Variants in CIT observed in about 807,000 individuals in gnomAD.
The protein encoded by CIT is citron rho-interacting serine/threonine kinase.
Under a neutral mutation model 272.7 loss-of-function variants are expected in CIT, and 79 were observed. That is an observed-to-expected ratio of 0.29 (90% CI 0.24 to 0.35). The LOEUF (loss-of-function observed/expected upper bound fraction) is 0.35, where lower values mean the gene tolerates loss of function less well. Among genes scored for constraint, CIT ranks in the 10% least tolerant of loss-of-function variants. The pLI is 1.00. For missense variants in CIT, 1,909 were observed against 2,618.3 expected, an observed-to-expected ratio of 0.73 and a Z score of 5.91; for synonymous variants, 948 against 995.6, an observed-to-expected ratio of 0.95 and a Z score of 0.90.
At chr12:119,691,208 C>T (rs1302741701) in intron 46 of CIT, among the ~76,000 whole-genome samples, 1 of 149,056 alleles carries the variant, frequency 6.7e-6, no homozygotes, top group East Asian at 2.0e-4. Context: ...AGTTTGATGT[C>T]ATAAGCCCCA....
At chr12:119,853,437 T>G (rs1694130128) in intron 4 of CIT, among the ~76,000 whole-genome samples, 1 of 145,408 alleles carries the variant, frequency 6.9e-6, no homozygotes. Context: ...TTTGTTTGTT[T>G]GTTTGTTTTG....
At chr12:119,777,614 G>A (rs1264706123) in intron 13 of CIT, among the ~76,000 whole-genome samples, 1 of 151,024 alleles carries the variant, frequency 6.6e-6, no homozygotes, top group Non-Finnish European at 1.5e-5. Flanking sequence ...AGGTTGCAGT[G>A]AGCCGAGATC....
intron 23 of CIT, among the ~76,000 whole-genome samples, chr12:119,746,395 C>G (rs1959407573): frequency 6.6e-6 from 1 of 152,148 alleles, no homozygotes; most frequent in Non-Finnish European, 1.5e-5. Context: ...AAAACAGTGA[C>G]AGACTAAAAT....
rs1308791506 is a variant in CIT at position 119,735,318 on chromosome 12, C to T, written c.2998G>A (p.Glu1000Lys). The T allele has an allele frequency of 3.1e-6, 5 of 1,614,190 alleles. No homozygotes were observed. Among genetic ancestry groups the T allele is most frequent in the East Asian group, 2.2e-5 (1 of 44,882 alleles). The change falls in exon 25 of 48, where the codon GAG (glutamate) becomes AAG (lysine). Residue 1000 changes from glutamate to lysine, a missense_variant. Physicochemically the swap from Glu to Lys is moderately conservative, Grantham distance 56. Transcript: ENST00000392521. ...DLEEQLNQLTEDNAELNNQNF... is the reference protein window; with the variant it reads ...DLEEQLNQLTKDNAELNNQNF... ...TGGTTGTTGAGTTCAGCGTTGTCCTCGGTCAGCTGGTTTAGCTGCTCCTCC... is the reference window on the plus strand; with the variant it reads ...TGGTTGTTGAGTTCAGCGTTGTCCTTGGTCAGCTGGTTTAGCTGCTCCTCC...
intron 16 of CIT, among the ~76,000 whole-genome samples, chr12:119,774,896 C>T (rs1040127016): frequency 1.3e-5 from 2 of 152,156 alleles, no homozygotes; most frequent in East Asian, 1.9e-4. Context: ...ATCACCTGAG[C>T]GTGTGAAGTC....
In CIT at chr12:119,710,714, G is replaced by A. The variant is rs557835876; in HGVS notation, c.4855-94C>T. The A allele has an allele frequency of 4.2e-6, 5 of 1,189,646 alleles. No individual in the cohort carries two copies. The South Asian group carries it at 6.2e-5, about 15-fold the overall frequency. The allele number at this position is 1,189,646 out of a possible 1,614,324, so 73.7% of individuals were successfully genotyped here. A position where few individuals can be genotyped will look rare whatever the true frequency, so the allele number is the denominator to read the frequency against. On this transcript the variant is annotated intron_variant, in intron 37 of 47. Transcript: ENST00000392521. This position sits in a 1 kb window ranked among gnomAD's most constrained non-coding sequence, Gnocchi z 5.6. ...CCAGAGAAACCAAGAGAAGGTTAAG[G>A]CCAAGTTATTCCTGGAAATGCTCAG...
chr12:119,712,363 G>A lies in CIT; in HGVS notation c.4685-16C>T, dbSNP rs761756524. 7 of 1,602,200 alleles carry A rather than the reference G, an allele frequency of 4.4e-6. No individual in the cohort carries two copies. Among genetic ancestry groups the A allele is most frequent in the African/African-American group, 1.3e-5 (1 of 74,702 alleles). ...TATGGGACATCTAGGAGATTTCAGA[G>A]AGCACAGGATTGGGTGTGGATTTCC... On this transcript the variant is annotated splice_polypyrimidine_tract_variant and intron_variant, in intron 36 of 47. Transcript: ENST00000392521. This position sits in a 1 kb window ranked among gnomAD's most constrained non-coding sequence, Gnocchi z 5.2.
intron 22 of CIT, among the ~76,000 whole-genome samples, chr12:119,755,789 T>C (rs1960893753): frequency 6.6e-6 from 1 of 152,214 alleles, no homozygotes; most frequent in Non-Finnish European, 1.5e-5. Context: ...CAATTTGTTG[T>C]ATTTTCCTCC....
intron 10 of CIT, among the ~76,000 whole-genome samples, chr12:119,798,024 G>A (rs1303698413): frequency 6.6e-6 from 1 of 152,160 alleles, no homozygotes; most frequent in Non-Finnish European, 1.5e-5. Context: ...TCTTTGCCAA[G>A]CTTAAGCTTT....
intron 40 of CIT, among the ~76,000 whole-genome samples, chr12:119,707,556 C>T (rs1339593290): frequency 2.0e-5 from 3 of 151,934 alleles, no homozygotes; most frequent in Admixed American, 1.3e-4. Flanking sequence ...GGCTGGAGTG[C>T]GGTGGCGCAA....
chr12:119,797,491 T>C (rs1033520118), intron 10 of CIT, among the ~76,000 whole-genome samples: 1 of 152,146 alleles, frequency 6.6e-6, no homozygotes, highest in African/African-American at 2.4e-5. Flanking sequence ...CTAATCCAGA[T>C]AATGAGGGGA....
chr12:119,789,543 T>C (rs1436050889), intron 10 of CIT, among the ~76,000 whole-genome samples: 1 of 152,204 alleles, frequency 6.6e-6, no homozygotes, highest in Admixed American at 6.5e-5. Context: ...ATTTAAAATG[T>C]TTATATTCTA....
intron 28 of CIT, 74 bp from the exon 29 acceptor site, chr12:119,721,523 C>A (rs763357548): frequency 1.0e-4 from 143 of 1,371,092 alleles, no homozygotes; most frequent in Non-Finnish European, 1.3e-4. Flanking sequence ...GTTCCTATTT[C>A]AAACTAATTT....
At position 119,825,197 on chromosome 12, in the gene CIT, C is replaced by T. The variant is rs186755374; in HGVS notation, c.925G>A (p.Ala309Thr). ...GRSPFAEGTS[A>T]RTFNNIMNFQ... is the part of the protein sequence containing the mutation. Reference sequence around the variant, plus strand: ...TTCATAATGTTATTGAAGGTTCTGGCAGAGGTTCCCTCTGCGAAGGGGGAT... The same window carrying T: ...TTCATAATGTTATTGAAGGTTCTGGTAGAGGTTCCCTCTGCGAAGGGGGAT... The change falls in exon 8 of 48, where the codon GCC (alanine) becomes ACC (threonine). Residue 309 changes from alanine (A) to threonine (T), a missense_variant. By Grantham distance (58) the Ala-to-Thr change is moderately conservative. Transcript: ENST00000392521. 2.6e-5 allele frequency: 42 copies of T among 1,614,018 alleles called. No homozygotes were observed. The East Asian group carries it at 8.7e-4, about 33-fold the overall frequency.
At chr12:119,819,275 C>G (rs931597827) in intron 9 of CIT, among the ~76,000 whole-genome samples, 1 of 152,140 alleles carries the variant, frequency 6.6e-6, no homozygotes, top group African/African-American at 2.4e-5. Flanking sequence ...GTTCGACTTG[C>G]TGGAAGAATA....
chr12:119,785,107 G>A lies in CIT; in HGVS notation c.1296-42C>T, dbSNP rs762488662. 35 of 1,597,888 alleles carry A rather than the reference G, an allele frequency of 2.2e-5. 1 individual carries two copies. In the South Asian group the frequency reaches 3.9e-4, roughly 18 times the overall value. ...CAACGTCAAGGGGGCCTGCAGGTGG[G>A]CCTAAGAAGCTGCATTAGGAAGCTG... is the stretch of plus-strand genomic sequence containing the variant. On this transcript the variant is annotated intron_variant, in intron 10 of 47. Coordinates refer to ENST00000392521, the MANE Select transcript of CIT (RefSeq NM_001206999.2).
At chr12:119,705,063 C>G (rs1956802529) in intron 40 of CIT, among the ~76,000 whole-genome samples, 1 of 152,134 alleles carries the variant, frequency 6.6e-6, no homozygotes, top group African/African-American at 2.4e-5. Flanking sequence ...CAGGTGCGCA[C>G]CACCATGCCT....
Position 119,784,442 on chromosome 12 carries a change from G to A in CIT, c.1402-391C>T. ...GCAAAGATCTAGAGGACAAATCCAGGACAGGGCAAGGAGATATTTATTCGT... is the reference window on the plus strand; with the variant it reads ...GCAAAGATCTAGAGGACAAATCCAGAACAGGGCAAGGAGATATTTATTCGT... On this transcript the variant is annotated intron_variant, in intron 11 of 47. Coordinates refer to ENST00000392521, the MANE Select transcript of CIT (RefSeq NM_001206999.2). This position sits in a 1 kb window ranked among gnomAD's most constrained non-coding sequence, Gnocchi z 4.7. 1 of 1,207,762 alleles carries A rather than the reference G, an allele frequency of 8.3e-7. No individual in the cohort carries two copies. Among genetic ancestry groups the A allele is most frequent in the South Asian group, 1.5e-5 (1 of 64,624 alleles). 74.8% of individuals were successfully genotyped at this position (1,207,762 alleles called of 1,614,324 possible).
In CIT at chr12:119,768,084, G is replaced by A. The variant is rs1381025814; in HGVS notation, c.2209-902C>T. On this transcript the variant is annotated intron_variant, in intron 18 of 47. Transcript: ENST00000392521. This position sits in a 1 kb window ranked among gnomAD's most constrained non-coding sequence, Gnocchi z 4.3. The stretch of plus-strand genomic sequence containing the variant: ...GCGCCACCATGCCCGGCTAATTTTT[G>A]TATTTTTAGTAGAGGCGAGGTTTCA... 6.6e-6 allele frequency among the ~76,000 whole-genome samples: 1 copy of A among 151,884 alleles called. No homozygotes were observed. Among genetic ancestry groups the A allele is most frequent in the African/African-American group, 2.4e-5 (1 of 41,326 alleles).
Sources: allele counts gnomAD v4.1 joint callset (sites outside exome capture counted in the v4.1 genomes callset), GRCh38; gene constraint gnomAD v4.1.1; non-coding constraint Gnocchi (gnomAD v3.1); transcripts MANE v1.5; gene names NCBI Gene and HGNC (gene_info 2026-07-23, HGNC 2026-07-21).